INPP4B: variants seen among roughly 807,000 people sequenced by gnomAD.
The protein encoded by INPP4B is inositol polyphosphate-4-phosphatase type II B, also known as inositol polyphosphate 4-phosphatase type II.
A neutral mutation model predicts 122.5 loss-of-function variants in INPP4B; 55 were observed. The observed-to-expected ratio is 0.45, with a 90% CI of 0.36 to 0.56. The LOEUF (loss-of-function observed/expected upper bound fraction) is 0.56, where lower values mean the gene tolerates loss of function less well. Among genes scored for constraint, INPP4B ranks in the 20% least tolerant of loss-of-function variants. The pLI is 0.00. For missense variants in INPP4B, 1,000 were observed against 1,097.7 expected, an observed-to-expected ratio of 0.91 and a Z score of 1.26; for synonymous variants, 403 against 388.7, an observed-to-expected ratio of 1.04 and a Z score of -0.43.
intron 7 of INPP4B, among the ~76,000 whole-genome samples, chr4:142,341,256 T>C (rs775935168): frequency 3.3e-5 from 5 of 152,214 alleles, no homozygotes; most frequent in Non-Finnish European, 4.4e-5. Context: ...ACAGACATGA[T>C]GCAACATGCA....
chr4:142,444,338 T>C (rs934637785), intron 3 of INPP4B, among the ~76,000 whole-genome samples: 2 of 152,112 alleles, frequency 1.3e-5, no homozygotes, highest in Non-Finnish European at 2.9e-5. Flanking sequence ...CATCAAAAAG[T>C]GTGGGCGTAG....
At chr4:142,590,176 G>T (rs936021046) in intron 2 of INPP4B, among the ~76,000 whole-genome samples, 1 of 152,044 alleles carries the variant, frequency 6.6e-6, no homozygotes, top group Non-Finnish European at 1.5e-5. Flanking sequence ...CTATTCTGTG[G>T]GGTACTATAA....
chr4:142,685,419 A>C (rs1295679065), intron 2 of INPP4B, among the ~76,000 whole-genome samples: 1 of 152,136 alleles, frequency 6.6e-6, no homozygotes, highest in Non-Finnish European at 1.5e-5. Flanking sequence ...TTGTATAAAC[A>C]ATAAATATTT....
chr4:142,724,512 T>C (rs1193817429), intron 2 of INPP4B, among the ~76,000 whole-genome samples: 2 of 152,140 alleles, frequency 1.3e-5, no homozygotes, highest in Non-Finnish European at 2.9e-5. Flanking sequence ...CTCTTCCACA[T>C]ATTGTCTAGG....
At chr4:142,273,194 T>C (rs926612656) in intron 9 of INPP4B, among the ~76,000 whole-genome samples, 8 of 151,986 alleles carry the variant, frequency 5.3e-5, no homozygotes, top group African/African-American at 1.9e-4. Context: ...TGTAAAGTGC[T>C]CAACACAATG....
intron 15 of INPP4B, among the ~76,000 whole-genome samples, chr4:142,180,242 A>G (rs969440521): frequency 2.6e-5 from 4 of 152,170 alleles, no homozygotes; most frequent in Non-Finnish European, 5.9e-5. Flanking sequence ...AAACTATACT[A>G]TAATAAATTT....
chr4:142,309,088 A>G (rs552122932), intron 8 of INPP4B, among the ~76,000 whole-genome samples: 17 of 152,282 alleles, frequency 1.1e-4, no homozygotes, highest in South Asian at 6.2e-4. Context: ...TTGCTATGAG[A>G]AAATTAAAGA....
At chr4:142,405,144 A>T in intron 6 of INPP4B, 62 bp downstream of exon 6, 1 of 949,874 alleles carries the variant, frequency 1.1e-6, no homozygotes, top group Non-Finnish European at 1.7e-6. Flanking sequence ...AGAGAGCAAG[A>T]GCGAGCGAGC....
intron 1 of INPP4B, among the ~76,000 whole-genome samples, chr4:142,829,363 G>A (rs1781828260): frequency 6.6e-6 from 1 of 152,160 alleles, no homozygotes; most frequent in Non-Finnish European, 1.5e-5. Flanking sequence ...GAGGGAGAGT[G>A]AGTCCAGGTG....
chr4:142,577,322 G>A (rs1292126682), intron 2 of INPP4B, among the ~76,000 whole-genome samples: 1 of 151,968 alleles, frequency 6.6e-6, no homozygotes, highest in Non-Finnish European at 1.5e-5. Context: ...ACCAACATGA[G>A]ATCACTGATG....
chr4:142,202,079 T>C (rs1840856710), intron 14 of INPP4B, among the ~76,000 whole-genome samples: 1 of 152,076 alleles, frequency 6.6e-6, no homozygotes, highest in South Asian at 2.1e-4. Context: ...TCAAAAATTG[T>C]CTTTGGCTTT....
At chr4:142,648,762 A>T (rs1345756528) in intron 2 of INPP4B, among the ~76,000 whole-genome samples, 2 of 152,214 alleles carry the variant, frequency 1.3e-5, no homozygotes, top group Non-Finnish European at 2.9e-5. Context: ...GCTGAAGAAA[A>T]GGCAGCAGAC....
intron 25 of INPP4B, among the ~76,000 whole-genome samples, chr4:142,050,657 A>G (rs1460873208): frequency 6.6e-6 from 1 of 152,058 alleles, no homozygotes; most frequent in Non-Finnish European, 1.5e-5. Flanking sequence ...TAGATGAGCT[A>G]TACTTTGGTA....
chr4:142,732,297 C>T (rs550155481), intron 1 of INPP4B, among the ~76,000 whole-genome samples: 2 of 151,970 alleles, frequency 1.3e-5, no homozygotes, highest in Non-Finnish European at 2.9e-5. Context: ...ATCTATAATC[C>T]AGCTTTTCTT....
At chr4:142,081,046 A>T (rs28667237) in intron 25 of INPP4B, among the ~76,000 whole-genome samples, 3,349 of 152,288 alleles carry the variant, frequency 0.022, 134 homozygotes, top group African/African-American at 0.074. Flanking sequence ...GCCAAGAGAC[A>T]TGAAATGGGA....
At chr4:142,136,315 A>G (rs993127611) in intron 18 of INPP4B, among the ~76,000 whole-genome samples, 2 of 152,234 alleles carry the variant, frequency 1.3e-5, no homozygotes, top group Admixed American at 6.5e-5. Flanking sequence ...CAAGCCTCCA[A>G]GGCCCGGGTA....
At chr4:142,537,222 G>A (rs762078745) in intron 2 of INPP4B, among the ~76,000 whole-genome samples, 1 of 151,674 alleles carries the variant, frequency 6.6e-6, no homozygotes, top group African/African-American at 2.4e-5. Context: ...TCTAGAGATG[G>A]TACTGGAAGT....
Position 142,559,320 on chromosome 4 carries a change from T to G in INPP4B, c.-190-96594A>C, listed in dbSNP as rs1580367110. ...CTGTTGCAAGTTTTTTTCACTGTTA[T>G]GCTTTTGTTTATCTTTGTGGCTTGA... On this transcript the variant is annotated intron_variant, in intron 2 of 25. Transcript: ENST00000262992. 3.9e-5 allele frequency among the ~76,000 whole-genome samples: 6 copies of G among 152,210 alleles called. No homozygotes were observed. In the South Asian group the frequency reaches 1.2e-3, roughly 32 times the overall value.
chr4:142,512,666 C>G (rs544789228), intron 2 of INPP4B, among the ~76,000 whole-genome samples: 1 of 152,140 alleles, frequency 6.6e-6, no homozygotes, highest in South Asian at 2.1e-4. Context: ...TCACTTTAGT[C>G]GTCGTCATCA....
Sources: gnomAD v4.1 joint callset for allele counts (sites outside exome capture counted in the v4.1 genomes callset) on GRCh38, gnomAD v4.1.1 for gene constraint, MANE v1.5 for transcripts, NCBI Gene and HGNC (gene_info 2026-07-23, HGNC 2026-07-21) for gene names.